Variants in RBFOX1 observed in about 807,000 individuals in gnomAD.
RBFOX1 encodes the protein RNA binding fox-1 homolog 1.
In RBFOX1, 8 loss-of-function variants were observed where a neutral mutation model predicts 57.7. The ratio of observed to expected loss-of-function variants is 0.14; its 90% CI spans 0.08 to 0.25. The LOEUF (loss-of-function observed/expected upper bound fraction) is 0.25, where lower values mean the gene tolerates loss of function less well. Among genes scored for constraint, RBFOX1 ranks in the 10% least tolerant of loss-of-function variants. The pLI, the probability that RBFOX1 is intolerant of heterozygous loss-of-function variation, is 1.00. For missense variants in RBFOX1, 611 were observed against 548.5 expected, an observed-to-expected ratio of 1.11 and a Z score of -1.14; for synonymous variants, 326 against 222.4, an observed-to-expected ratio of 1.47 and a Z score of -4.15.
intron 3 of RBFOX1, among the ~76,000 whole-genome samples, chr16:6,950,858 T>C (rs2080581166): frequency 6.6e-6 from 1 of 152,040 alleles, no homozygotes; most frequent in South Asian, 2.1e-4. Context: ...TTTCTTTCTC[T>C]GTTTTTGTCT....
At chr16:5,847,829 G>A (rs1302901592) in intron 3 of RBFOX1, among the ~76,000 whole-genome samples, 1 of 152,012 alleles carries the variant, frequency 6.6e-6, no homozygotes, top group Non-Finnish European at 1.5e-5. Context: ...AGGGTGTTTC[G>A]CCCCATGCTC....
chr16:7,519,816 A>G, intron 5 of RBFOX1: 2 of 752,920 alleles, frequency 2.7e-6, no homozygotes, highest in Non-Finnish European at 3.2e-6. Flanking sequence ...GTGATAAAAG[A>G]AAACACTGAC....
chr16:5,655,036 C>T (rs1436729510), intron 3 of RBFOX1, among the ~76,000 whole-genome samples: 1 of 152,188 alleles, frequency 6.6e-6, no homozygotes, highest in Admixed American at 6.5e-5. Context: ...ACCCAGGAGT[C>T]CTAGTGAGGA....
rs1163530966 is a variant in RBFOX1 at position 7,567,552 on chromosome 16, C to G, written c.271-12225C>G. Among the ~76,000 whole-genome samples, 2 of 62,248 alleles carry G rather than the reference C, an allele frequency of 3.2e-5. 1 individual carries two copies. The highest frequency in any genetic ancestry group is 7.9e-5 in the Non-Finnish European group (2 of 25,368). The allele number at this position is 62,248 out of a possible 152,430, so 40.8% of individuals were successfully genotyped here. A position where few individuals can be genotyped will look rare whatever the true frequency, so the allele number is the denominator to read the frequency against. ...CTATGTATGGCCCTATATGTATATCCCTATATATGGCCCTATATATATATA... is the reference window on the plus strand; with the variant it reads ...CTATGTATGGCCCTATATGTATATCGCTATATATGGCCCTATATATATATA... On this transcript the variant is annotated intron_variant, in intron 5 of 15. Transcript: ENST00000550418.
At chr16:7,617,601 C>T (rs775421856) in intron 10 of RBFOX1, among the ~76,000 whole-genome samples, 73 of 152,116 alleles carry the variant, frequency 4.8e-4, no homozygotes, top group Admixed American at 1.0e-3. Context: ...GTTTGATGTT[C>T]ATCAGGGAAG....
chr16:6,953,242 T>C (rs960738107), intron 3 of RBFOX1, among the ~76,000 whole-genome samples: 5 of 152,150 alleles, frequency 3.3e-5, no homozygotes, highest in Admixed American at 6.6e-5. Context: ...TGGTACTCTT[T>C]AATCAAATAA....
At chr16:7,673,283 T>TGAA (rs1407396072) in intron 13 of RBFOX1, among the ~76,000 whole-genome samples, 2 of 152,222 alleles carry the variant, frequency 1.3e-5, no homozygotes, top group Non-Finnish European at 2.9e-5. Context: ...TCAGTGTTCA[T>TGAA]GAATATTGTC....
chr16:7,038,055 T>G (rs534751684), intron 3 of RBFOX1, among the ~76,000 whole-genome samples: 2 of 152,282 alleles, frequency 1.3e-5, no homozygotes, highest in East Asian at 3.9e-4. Context: ...GTAGAGAGAT[T>G]CAAATGGTAT....
rs573163838 is a variant in RBFOX1, at chr16:6,688,536, C to T, written c.-16+33886C>T. Among the ~76,000 whole-genome samples, 4 of 152,274 alleles carry T rather than the reference C, an allele frequency of 2.6e-5. No homozygotes were observed. In the South Asian group the frequency reaches 8.3e-4, roughly 32 times the overall value. Reference sequence around the variant, plus strand: ...AGAGAGAGGTTGAGCAAAGTAACTTCCCAAGCACCGTAGTGGGGACAATAG... The same window carrying T: ...AGAGAGAGGTTGAGCAAAGTAACTTTCCAAGCACCGTAGTGGGGACAATAG... On this transcript the variant is annotated intron_variant, in intron 3 of 15. Transcript: ENST00000550418.
intron 2 of RBFOX1, among the ~76,000 whole-genome samples, chr16:6,528,708 A>G (rs1261565303): frequency 2.0e-5 from 3 of 152,166 alleles, no homozygotes; most frequent in Non-Finnish European, 2.9e-5. Context: ...CCACTCCAGT[A>G]TTGATATTTG....
intron 3 of RBFOX1, among the ~76,000 whole-genome samples, chr16:5,626,515 A>G (rs568605577): frequency 2.6e-5 from 4 of 152,244 alleles, no homozygotes; most frequent in African/African-American, 9.6e-5. Flanking sequence ...ACTTTAACAT[A>G]TGAATTCTGG....
intron 4 of RBFOX1, among the ~76,000 whole-genome samples, chr16:7,133,872 C>T (rs988366587): frequency 2.0e-5 from 3 of 151,992 alleles, no homozygotes; most frequent in Admixed American, 1.3e-4. Context: ...ATGGCTAATC[C>T]AAAAAATATA....
At chr16:6,657,591 G>A (rs965623574) in intron 3 of RBFOX1, among the ~76,000 whole-genome samples, 5 of 152,144 alleles carry the variant, frequency 3.3e-5, no homozygotes, top group Non-Finnish European at 5.9e-5. Flanking sequence ...TTCACCACTG[G>A]AGTGATGACA....
At chr16:7,453,814 C>A (rs1306295023) in intron 4 of RBFOX1, among the ~76,000 whole-genome samples, 2 of 152,110 alleles carry the variant, frequency 1.3e-5, no homozygotes, top group Non-Finnish European at 2.9e-5. Context: ...CGGAGGAGCA[C>A]CTTCAGCCTT....
At chr16:6,070,274 A>G (rs528384755) in intron 1 of RBFOX1, among the ~76,000 whole-genome samples, 3 of 152,318 alleles carry the variant, frequency 2.0e-5, no homozygotes, top group East Asian at 3.9e-4. Flanking sequence ...TTCATCCTAA[A>G]AATAATTTCA....
chr16:6,950,843 T>C (rs896638410), intron 3 of RBFOX1, among the ~76,000 whole-genome samples: 2 of 152,108 alleles, frequency 1.3e-5, no homozygotes, highest in African/African-American at 4.8e-5. Context: ...GCTCTTTCTT[T>C]TTTCTTTCTT....
chr16:6,300,327 G>A (rs1166030060), intron 1 of RBFOX1, among the ~76,000 whole-genome samples: 1 of 152,268 alleles, frequency 6.6e-6, no homozygotes, highest in Non-Finnish European at 1.5e-5. Flanking sequence ...TACGTTTTAA[G>A]TGTTCTCACC....
chr16:6,351,976 C>T (rs2086485736), intron 2 of RBFOX1, among the ~76,000 whole-genome samples: 1 of 152,152 alleles, frequency 6.6e-6, no homozygotes, highest in African/African-American at 2.4e-5. Context: ...ACTGCAGAAC[C>T]AGCATTTGAG....
intron 3 of RBFOX1, among the ~76,000 whole-genome samples, chr16:6,853,194 G>C (rs1329619373): frequency 1.3e-5 from 2 of 152,106 alleles, no homozygotes; most frequent in Non-Finnish European, 2.9e-5. Context: ...GACTAATACT[G>C]GTGTTTACCC....
Sources: allele counts gnomAD v4.1 joint callset (sites outside exome capture counted in the v4.1 genomes callset), GRCh38; gene constraint gnomAD v4.1.1; transcripts MANE v1.5; gene names NCBI Gene and HGNC (gene_info 2026-07-23, HGNC 2026-07-21).